Variants in IMPG1 observed in about 807,000 individuals in gnomAD.
IMPG1 encodes the protein interphotoreceptor matrix proteoglycan 1.
IMPG1 carries 85 observed loss-of-function variants against 92.0 expected under a neutral mutation model. That is an observed-to-expected ratio of 0.92 (90% confidence interval 0.78 to 1.11). IMPG1 has a LOEUF of 1.11. Among genes scored for constraint, IMPG1 ranks in the 50% least tolerant of loss-of-function variants. The pLI is 0.00. For synonymous variants in IMPG1, 367 were observed against 334.1 expected, an observed-to-expected ratio of 1.10 and a Z score of -1.08; for missense variants, 1,022 against 956.0, an observed-to-expected ratio of 1.07 and a Z score of -0.91.
chr6:75,941,355 G>C (rs1325287911), intron 14 of IMPG1, among the ~76,000 whole-genome samples: 3 of 152,202 alleles, frequency 2.0e-5, no homozygotes, highest in Admixed American at 1.3e-4. Flanking sequence ...GAGAAAAGTT[G>C]ACTGTGTGAC....
intron 12 of IMPG1, among the ~76,000 whole-genome samples, chr6:76,001,018 C>T (rs754629609): frequency 2.6e-5 from 4 of 152,298 alleles, no homozygotes; most frequent in African/African-American, 7.2e-5. Flanking sequence ...ACCTTGAACA[C>T]GGCACTTCAC....
At chr6:76,061,399 T>C (rs1281444094) in intron 1 of IMPG1, among the ~76,000 whole-genome samples, 1 of 152,202 alleles carries the variant, frequency 6.6e-6, no homozygotes, top group Admixed American at 6.5e-5. Flanking sequence ...GTACAGTTAA[T>C]GTGCCTACCA....
chr6:75,954,438 T>C lies in IMPG1; in HGVS notation c.1292-3344A>G, dbSNP rs183664516. On this transcript the variant is annotated intron_variant, in intron 12 of 16. Coordinates refer to ENST00000369950, the MANE Select transcript of IMPG1 (RefSeq NM_001563.4). ...TTTCAGAAGTGTCTGTTCACATCCT[T>C]TGCCCACTTTTTGATGGGGTTGTTT... Among the ~76,000 whole-genome samples the C allele has an allele frequency of 3.9e-3, 588 of 152,342 alleles. 6 individuals are homozygous for C. The highest frequency in any genetic ancestry group is 0.014 in the African/African-American group (563 of 41,586).
intron 12 of IMPG1, among the ~76,000 whole-genome samples, chr6:75,977,447 C>T (rs1782557314): frequency 6.6e-6 from 1 of 151,894 alleles, no homozygotes; most frequent in South Asian, 2.1e-4. Flanking sequence ...ATTAGCCGGG[C>T]CTGGTGGTGC....
chr6:75,985,283 G>C (rs1015330452), intron 12 of IMPG1, among the ~76,000 whole-genome samples: 1 of 152,168 alleles, frequency 6.6e-6, no homozygotes. Flanking sequence ...CCACCAAAAA[G>C]GGACTTTAAA....
At chr6:75,984,132 T>C (rs1029221532) in intron 12 of IMPG1, among the ~76,000 whole-genome samples, 1 of 152,214 alleles carries the variant, frequency 6.6e-6, no homozygotes, top group South Asian at 2.1e-4. Context: ...TGTAAATTAG[T>C]GTAACCATTA....
intron 12 of IMPG1, among the ~76,000 whole-genome samples, chr6:75,956,930 T>C (rs1031397987): frequency 2.0e-5 from 3 of 152,128 alleles, no homozygotes; most frequent in Non-Finnish European, 4.4e-5. Context: ...TTTTCTTTTT[T>C]ATTTTTTGAG....
chr6:75,956,381 C>T (rs1782120608), intron 12 of IMPG1, among the ~76,000 whole-genome samples: 2 of 152,266 alleles, frequency 1.3e-5, no homozygotes, highest in East Asian at 1.9e-4. Flanking sequence ...ACTTTACTTG[C>T]GTAGAGGTGT....
intron 14 of IMPG1, among the ~76,000 whole-genome samples, chr6:75,938,949 G>A (rs1472238572): frequency 6.6e-6 from 1 of 152,098 alleles, no homozygotes; most frequent in East Asian, 1.9e-4. Context: ...CTAGACTGGA[G>A]TGCAGTGATG....
chr6:76,004,361 A>C (rs913661258), intron 10 of IMPG1, among the ~76,000 whole-genome samples: 2 of 152,208 alleles, frequency 1.3e-5, no homozygotes, highest in Admixed American at 6.5e-5. Context: ...GATTCTCAGA[A>C]TGACACAGAG....
At chr6:75,962,621 C>T (rs1382373809) in intron 12 of IMPG1, among the ~76,000 whole-genome samples, 1 of 152,022 alleles carries the variant, frequency 6.6e-6, no homozygotes, top group Non-Finnish European at 1.5e-5. Flanking sequence ...AAAGGGAAGA[C>T]CCAGAAGACA....
At chr6:75,994,274 T>C (rs553990642) in intron 12 of IMPG1, among the ~76,000 whole-genome samples, 1 of 152,328 alleles carries the variant, frequency 6.6e-6, no homozygotes, top group East Asian at 1.9e-4. Context: ...TGCCTCTAGC[T>C]CAATAGATTT....
intron 1 of IMPG1, among the ~76,000 whole-genome samples, chr6:76,066,929 T>C (rs976746918): frequency 7.9e-5 from 12 of 151,790 alleles, no homozygotes; most frequent in African/African-American, 2.9e-4. Context: ...TGGAAAGAAA[T>C]AACCTACTCC....
chr6:76,044,934 G>A (rs1444635653), intron 1 of IMPG1, among the ~76,000 whole-genome samples: 3 of 152,142 alleles, frequency 2.0e-5, no homozygotes, highest in Non-Finnish European at 4.4e-5. Context: ...AAGCAGGGGC[G>A]AGAAGGTCAC....
At chr6:75,958,573 A>G (rs1782165547) in intron 12 of IMPG1, among the ~76,000 whole-genome samples, 1 of 151,924 alleles carries the variant, frequency 6.6e-6, no homozygotes, top group African/African-American at 2.4e-5. Context: ...TATTTCTTGG[A>G]GGCTTTGTTT....
chr6:75,990,308 A>G (rs1295308330), intron 12 of IMPG1, among the ~76,000 whole-genome samples: 1 of 152,220 alleles, frequency 6.6e-6, no homozygotes, highest in Admixed American at 6.5e-5. Flanking sequence ...GAACGGGCCA[A>G]CTAGCAATGA....
At chr6:75,927,673 A>T (rs1781580153) in intron 15 of IMPG1, among the ~76,000 whole-genome samples, 1 of 152,016 alleles carries the variant, frequency 6.6e-6, no homozygotes, top group Non-Finnish European at 1.5e-5. Context: ...AATTGGGGTA[A>T]TAAGGGCATT....
intron 5 of IMPG1, among the ~76,000 whole-genome samples, 188 bp from the exon 6 acceptor site, chr6:76,022,407 A>G (rs1783449113): frequency 1.3e-5 from 2 of 152,046 alleles, no homozygotes; most frequent in African/African-American, 4.8e-5. Flanking sequence ...TCTGTCCTAA[A>G]TTCTTCATTC....
intron 14 of IMPG1, among the ~76,000 whole-genome samples, chr6:75,939,280 T>C (rs950514425): frequency 5.9e-5 from 9 of 152,210 alleles, no homozygotes; most frequent in Non-Finnish European, 1.0e-4. Flanking sequence ...ACATGTGCCA[T>C]GTTGGTGTGC....
Sources: allele counts gnomAD v4.1 joint callset (sites outside exome capture counted in the v4.1 genomes callset), GRCh38; gene constraint gnomAD v4.1.1; transcripts MANE v1.5; gene names NCBI Gene and HGNC (gene_info 2026-07-23, HGNC 2026-07-21).